BMP2K: variants seen among roughly 807,000 people sequenced by gnomAD.
BMP2K encodes the protein BMP-2-inducible protein kinase.
In BMP2K, 74 loss-of-function variants were observed where a neutral mutation model predicts 116.0. The ratio of observed to expected loss-of-function variants is 0.64; its 90% CI spans 0.53 to 0.77. The LOEUF (loss-of-function observed/expected upper bound fraction) is 0.77. BMP2K is among the 30% of genes least tolerant of loss of function. BMP2K has a pLI of 0.00. For synonymous variants in BMP2K, 486 were observed against 502.5 expected (o/e 0.97, Z 0.44); for missense variants, 1,365 against 1,403.6 (o/e 0.97, Z 0.44).
intron 1 of BMP2K, among the ~76,000 whole-genome samples, chr4:78,795,196 TTCTC>T (rs1375771935): frequency 6.6e-6 from 1 of 152,220 alleles, no homozygotes; most frequent in Non-Finnish European, 1.5e-5. Context: ...TTTTTTGTCT[TTCTC>T]TCTCAATAGA....
At chr4:78,827,160 A>G (rs937817478) in intron 2 of BMP2K, among the ~76,000 whole-genome samples, 14 of 152,146 alleles carry the variant, frequency 9.2e-5, no homozygotes, top group Admixed American at 4.6e-4. Flanking sequence ...ATTGTTGAAC[A>G]TTATGGACTG....
intron 9 of BMP2K, 40 bp downstream of exon 9, chr4:78,861,508 A>G: frequency 2.0e-6 from 3 of 1,478,280 alleles, no homozygotes; most frequent in African/African-American, 1.4e-5. Flanking sequence ...GCATTAAAAA[A>G]AATGATAGGT....
intron 15 of BMP2K, among the ~76,000 whole-genome samples, chr4:78,897,179 A>C (rs2110088223): frequency 6.8e-6 from 1 of 147,866 alleles, no homozygotes; most frequent in Middle Eastern, 3.4e-3. Context: ...AGAGCAGCTT[A>C]AGAAAATGTT....
chr4:78,805,777 C>T (rs1266762627), intron 1 of BMP2K, among the ~76,000 whole-genome samples: 1 of 152,006 alleles, frequency 6.6e-6, no homozygotes, highest in African/African-American at 2.4e-5. Flanking sequence ...TGAGACCAGC[C>T]TAGCCAACAT....
At chr4:78,796,156 G>C (rs1348451818) in intron 1 of BMP2K, among the ~76,000 whole-genome samples, 2 of 152,062 alleles carry the variant, frequency 1.3e-5, no homozygotes, top group Non-Finnish European at 2.9e-5. Flanking sequence ...GTCCAACAAT[G>C]ATAGACTGGA....
intron 7 of BMP2K, among the ~76,000 whole-genome samples, chr4:78,853,652 A>C (rs750188118): frequency 6.6e-6 from 1 of 152,160 alleles, no homozygotes; most frequent in Non-Finnish European, 1.5e-5. Flanking sequence ...TAAGAGCAAG[A>C]CTTCTAGAGC....
At chr4:78,807,992 C>T (rs560478503) in intron 1 of BMP2K, among the ~76,000 whole-genome samples, 1 of 151,942 alleles carries the variant, frequency 6.6e-6, no homozygotes, top group African/African-American at 2.4e-5. Flanking sequence ...CTTATTTCCA[C>T]CCTAATTTTT....
At chr4:78,861,278 ATAGTGTCT>A in intron 8 of BMP2K, 103 bp from the exon 9 acceptor site, 3 of 727,802 alleles carry the variant, frequency 4.1e-6, no homozygotes, top group Non-Finnish European at 6.6e-6. Flanking sequence ...TGTGAAAGTA[ATAGTGTCT>A]CATAGTACTT....
chr4:78,847,398 T>G (rs994666460), intron 6 of BMP2K, 129 bp downstream of exon 6: 2 of 448,698 alleles, frequency 4.5e-6, no homozygotes, highest in African/African-American at 2.1e-5. Flanking sequence ...CAGTAGAGCT[T>G]CTTACTTGGG....
chr4:78,844,935 A>G lies in BMP2K; in HGVS notation c.554A>G (p.Asn185Ser). The G allele has an allele frequency of 6.3e-7, 1 of 1,596,182 alleles. No individual in the cohort carries two copies. The highest frequency in any genetic ancestry group is 8.6e-7 in the Non-Finnish European group (1 of 1,166,436). ...PIIHRDLKVE[N>S]ILLNDGGNYV... ...TGATTTTCTTTTCTTAAGGTAGAAA[A>G]TATTTTGTTGAATGATGGTGGGAAC... Residue 185 changes from asparagine (N) to serine (S), a missense_variant, in exon 5 of 16, where the codon AAT becomes AGT. Asn to Ser is a conservative substitution (Grantham distance 46, BLOSUM62 1). This residue lies in a region of BMP2K where 762 missense variants were observed against 756.7 expected (regional missense o/e 1.01). Transcript: ENST00000502613.
At chr4:78,838,114 G>A (rs901417942) in intron 3 of BMP2K, among the ~76,000 whole-genome samples, 51 of 152,354 alleles carry the variant, frequency 3.3e-4, no homozygotes, top group African/African-American at 1.2e-3. Context: ...GGAGGAGCAA[G>A]TCACATCTTA....
At chr4:78,890,817 C>T (rs1435068251) in intron 15 of BMP2K, among the ~76,000 whole-genome samples, 1 of 152,182 alleles carries the variant, frequency 6.6e-6, no homozygotes, top group Non-Finnish European at 1.5e-5. Context: ...TCCTGGAGCT[C>T]TTCTCATCCT....
In BMP2K at chr4:78,911,226, G is replaced by A; in HGVS notation, c.2679G>A (p.Glu893=). ...TTCCTGCTGCAGGACTGGAGCAGGA[G>A]GAATTTGATGTATTCACAAAGGCGC... ...HRFPAAGLEQ[E]EFDVFTKAPF... The change falls in exon 16 of 16, where the codon GAG becomes GAA. Residue 893 remains glutamate, a synonymous_variant. Transcript: ENST00000502613. 6.2e-7 allele frequency: 1 copy of A among 1,613,938 alleles called. No homozygotes were observed. The highest frequency in any genetic ancestry group is 1.1e-5 in the South Asian group (1 of 91,064).
intron 1 of BMP2K, among the ~76,000 whole-genome samples, chr4:78,792,846 C>T (rs1324845999): frequency 6.6e-6 from 1 of 152,050 alleles, no homozygotes; most frequent in East Asian, 1.9e-4. Context: ...TCATGTTTTG[C>T]TACAATAGCA....
intron 1 of BMP2K, among the ~76,000 whole-genome samples, chr4:78,799,454 T>C (rs1728460824): frequency 6.6e-6 from 1 of 152,220 alleles, no homozygotes; most frequent in Admixed American, 6.5e-5. Context: ...TTAAATGTTT[T>C]TCATAGTGGT....
At chr4:78,834,424 G>A (rs1203702439) in intron 3 of BMP2K, among the ~76,000 whole-genome samples, 2 of 151,898 alleles carry the variant, frequency 1.3e-5, no homozygotes, top group Non-Finnish European at 2.9e-5. Flanking sequence ...ACGACGCTCG[G>A]CTAATTTTTT....
At chr4:78,887,670 A>T (rs914200779) in intron 15 of BMP2K, among the ~76,000 whole-genome samples, 1 of 152,174 alleles carries the variant, frequency 6.6e-6, no homozygotes, top group Non-Finnish European at 1.5e-5. Context: ...TATTTGTCAC[A>T]ATCACTTTGT....
Position 78,844,990 on chromosome 4 carries a change from T to C in BMP2K, c.609T>C (p.Thr203=). The C allele has an allele frequency of 2.5e-6, 4 of 1,595,318 alleles. No homozygotes were observed. Among genetic ancestry groups the C allele is most frequent in the Non-Finnish European group, 2.6e-6 (3 of 1,164,414 alleles). The change falls in exon 5 of 16, where the codon ACT becomes ACC. Residue 203 remains threonine (T), a synonymous_variant. Transcript: ENST00000502613. ...NYVLCDFGSA[T]NKFLNPQKDG... is the part of the protein sequence containing the mutation. ...TACTTTGTGACTTTGGCAGTGCCAC[T>C]AATAAATTTCTTAATCCTCAAAAAG...
chr4:78,838,093 G>T (rs1193235720), intron 3 of BMP2K, among the ~76,000 whole-genome samples: 1 of 152,238 alleles, frequency 6.6e-6, no homozygotes, highest in African/African-American at 2.4e-5. Flanking sequence ...CACAATCATG[G>T]TGGAAGGCAA....
Sources: allele counts gnomAD v4.1 joint callset (sites outside exome capture counted in the v4.1 genomes callset), GRCh38; gene constraint gnomAD v4.1.1; regional missense constraint gnomAD v4.1.1; transcripts MANE v1.5; gene names NCBI Gene and HGNC (gene_info 2026-07-23, HGNC 2026-07-21).